Variants in ADAMTS2 observed in about 807,000 individuals in gnomAD.
ADAMTS2 encodes ADAM metallopeptidase with thrombospondin type 1 motif 2.
A neutral mutation model predicts 123.0 loss-of-function variants in ADAMTS2; 50 were observed. The ratio of observed to expected loss-of-function variants is 0.41; its 90% confidence interval spans 0.32 to 0.51. The LOEUF is 0.51. Ranked by LOEUF, ADAMTS2 falls within the 20% of genes least tolerant of loss-of-function variation. ADAMTS2 has a pLI of 0.35. For missense variants in ADAMTS2, 1,494 were observed against 1,705.2 expected, an observed-to-expected ratio of 0.88 and a Z score of 2.18; for synonymous variants, 678 against 695.4, an observed-to-expected ratio of 0.98 and a Z score of 0.39.
intron 5 of ADAMTS2, among the ~76,000 whole-genome samples, chr5:179,176,438 C>CTAG (rs1763932499): frequency 1.3e-5 from 2 of 152,198 alleles, no homozygotes; most frequent in Admixed American, 6.5e-5. Flanking sequence ...CCAGGTACCT[C>CTAG]TAACTGCACA....
intron 10 of ADAMTS2, among the ~76,000 whole-genome samples, chr5:179,148,519 T>C (rs1027190269): frequency 6.6e-6 from 1 of 152,178 alleles, no homozygotes; most frequent in African/African-American, 2.4e-5. Flanking sequence ...GTCGCATCCC[T>C]GTGCAGTGCC....
intron 3 of ADAMTS2, among the ~76,000 whole-genome samples, chr5:179,220,133 G>T (rs531921929): frequency 6.6e-6 from 1 of 152,276 alleles, no homozygotes; most frequent in Admixed American, 6.5e-5. Flanking sequence ...CGCAGCACGC[G>T]GCAGCCAAGT....
At position 179,139,896 on chromosome 5, in the gene ADAMTS2, T is replaced by G. The variant is rs145336133; in HGVS notation, c.1769A>C (p.Asn590Thr). 44 of 1,612,282 alleles carry G rather than the reference T, an allele frequency of 2.7e-5. No homozygotes were observed. In the African/African-American group the frequency reaches 5.5e-4, roughly 20 times the overall value. ...GVKFRTRQCD[N>T]PHPANGGRTC... ...GGACATGGGGCCAACTCACTGTGGG[T>G]TGTCACACTGGCGGGTCCTGAACTT... Residue 590 changes from asparagine to threonine, a missense_variant, in exon 11 of 22, where the codon AAC becomes ACC. Asn to Thr is a moderately conservative substitution (Grantham distance 65, BLOSUM62 0). Coordinates refer to ENST00000251582, the MANE Select transcript of ADAMTS2 (RefSeq NM_014244.5).
At chr5:179,137,279 C>T (rs1006927264) in intron 12 of ADAMTS2, among the ~76,000 whole-genome samples, 1 of 152,234 alleles carries the variant, frequency 6.6e-6, no homozygotes, top group African/African-American at 2.4e-5. Context: ...CAAGCACTGC[C>T]ATGCCCAAGG....
rs1304353865 is a variant in ADAMTS2 at position 179,345,354 on chromosome 5, C to A, written c.-26G>T. The A allele has an allele frequency of 5.3e-6, 6 of 1,130,580 alleles. No individual in the cohort carries two copies. Among genetic ancestry groups the A allele is most frequent in the African/African-American group, 1.7e-5 (1 of 60,592 alleles). The allele number at this position is 1,130,580 out of a possible 1,614,324, so 70.0% of individuals were successfully genotyped here. Reference sequence around the variant, plus strand: ...GGCAGCCGGACTGCAGCCGGGGCCCCGCACTCGCAGCCGGCGCGAAAGTTC... The same window carrying A: ...GGCAGCCGGACTGCAGCCGGGGCCCAGCACTCGCAGCCGGCGCGAAAGTTC... On this transcript the variant is annotated 5_prime_UTR_variant, in exon 1 of 22. Coordinates refer to ENST00000251582, the MANE Select transcript of ADAMTS2 (RefSeq NM_014244.5). The surrounding 1 kb of genome is among the most constrained non-coding windows in gnomAD (Gnocchi z 7.5).
chr5:179,303,714 AG>A lies in ADAMTS2; in HGVS notation c.535-30651del, dbSNP rs1424807265. 4.6e-5 allele frequency among the ~76,000 whole-genome samples: 7 copies of A among 152,300 alleles called. No individual in the cohort carries two copies. In the East Asian group the frequency reaches 1.4e-3, roughly 29 times the overall value. On this transcript the variant is annotated intron_variant, in intron 2 of 21. Coordinates refer to ENST00000251582, the MANE Select transcript of ADAMTS2 (RefSeq NM_014244.5). The surrounding 1 kb of genome is among the most constrained non-coding windows in gnomAD (Gnocchi z 4.7). ...CAGCCCACAGGCACCTAAAACTCTA[AG>A]AGGGGAGCCTGGCTGTGTAGCTGGA...
chr5:179,322,171 A>T (rs1217521557), intron 2 of ADAMTS2, among the ~76,000 whole-genome samples: 1 of 152,346 alleles, frequency 6.6e-6, no homozygotes, highest in East Asian at 1.9e-4. Context: ...ATGAAGGCAC[A>T]TACGACAGTT....
chr5:179,153,309 G>A (rs1396520979), intron 9 of ADAMTS2, among the ~76,000 whole-genome samples, 182 bp downstream of exon 9: 1 of 152,154 alleles, frequency 6.6e-6, no homozygotes, highest in African/African-American at 2.4e-5. Context: ...GGCCTGCCAG[G>A]TGGGCTCAGG....
chr5:179,223,070 C>T (rs1370829662), intron 3 of ADAMTS2, among the ~76,000 whole-genome samples: 2 of 152,248 alleles, frequency 1.3e-5, no homozygotes, highest in Non-Finnish European at 1.5e-5. Context: ...GCTCCCAAAA[C>T]CTTCATTTTC....
At chr5:179,179,965 G>A (rs1228236288) in intron 5 of ADAMTS2, among the ~76,000 whole-genome samples, 1 of 152,094 alleles carries the variant, frequency 6.6e-6, no homozygotes, top group African/African-American at 2.4e-5. Flanking sequence ...CCACAGGCTC[G>A]AATTCTGCTG....
At chr5:179,171,527 C>T (rs1763814100) in intron 5 of ADAMTS2, among the ~76,000 whole-genome samples, 1 of 152,202 alleles carries the variant, frequency 6.6e-6, no homozygotes, top group African/African-American at 2.4e-5. Context: ...CAGAACCCCC[C>T]AGAGAAGGGC....
In ADAMTS2 at chr5:179,130,216, G is replaced by GC. The variant is rs1648123326; in HGVS notation, c.2291-119dup. 1 of 1,311,766 alleles carries GC rather than the reference G, an allele frequency of 7.6e-7. No individual in the cohort carries two copies. Among genetic ancestry groups the GC allele is most frequent in the South Asian group, 1.2e-5 (1 of 80,332 alleles). 81.3% of individuals were successfully genotyped at this position (1,311,766 alleles called of 1,614,324 possible). ...AGCTGGACCCCTTGTCTCTCTGGCTGCCCCCGGCCAGTTTCCTCTGTGCCA... is the reference window on the plus strand; with the variant it reads ...AGCTGGACCCCTTGTCTCTCTGGCTGCCCCCCGGCCAGTTTCCTCTGTGCCA... On this transcript the variant is annotated intron_variant, in intron 15 of 21. Coordinates refer to ENST00000251582, the MANE Select transcript of ADAMTS2 (RefSeq NM_014244.5). This position sits in a 1 kb window ranked among gnomAD's most constrained non-coding sequence, Gnocchi z 4.3.
chr5:179,139,183 GC>G (rs1238052944), intron 11 of ADAMTS2, among the ~76,000 whole-genome samples: 8 of 152,022 alleles, frequency 5.3e-5, no homozygotes, highest in Non-Finnish European at 5.9e-5. Flanking sequence ...CTCCATGCCA[GC>G]CCCCCCGGGA....
intron 10 of ADAMTS2, among the ~76,000 whole-genome samples, chr5:179,147,304 G>A (rs996966772): frequency 1.8e-4 from 27 of 152,158 alleles, no homozygotes; most frequent in Non-Finnish European, 1.5e-4. Flanking sequence ...GGCCAGGCTG[G>A]TCTCGAACTC....
At chr5:179,232,052 A>T (rs1765423024) in intron 3 of ADAMTS2, among the ~76,000 whole-genome samples, 1 of 152,226 alleles carries the variant, frequency 6.6e-6, no homozygotes, top group African/African-American at 2.4e-5. Context: ...TCTGTCTTTT[A>T]AAAAGTGTCA....
In ADAMTS2 at chr5:179,272,853, TG is replaced by T; in HGVS notation, c.688+57del. 1 of 1,583,192 alleles carries T rather than the reference TG, an allele frequency of 6.3e-7. No homozygotes were observed. On this transcript the variant is annotated intron_variant, in intron 3 of 21. Coordinates refer to ENST00000251582, the MANE Select transcript of ADAMTS2 (RefSeq NM_014244.5). The surrounding 1 kb of genome is among the most constrained non-coding windows in gnomAD (Gnocchi z 5.8). Reference sequence around the variant, plus strand: ...TGCCTGAGTCTCTGGGATGCTCCCCTGGGGACCAGGGCCTCAGAGGGCTCTC... The same window carrying T: ...TGCCTGAGTCTCTGGGATGCTCCCCTGGGACCAGGGCCTCAGAGGGCTCTC...
chr5:179,121,798 C>T, intron 20 of ADAMTS2, 48 bp from the exon 21 acceptor site: 2 of 1,360,170 alleles, frequency 1.5e-6, no homozygotes, highest in Non-Finnish European at 2.0e-6. Context: ...CAGGCTGGGG[C>T]CCCCACCCCA....
intron 3 of ADAMTS2, among the ~76,000 whole-genome samples, chr5:179,217,310 A>G (rs1011487637): frequency 6.6e-6 from 1 of 152,272 alleles, no homozygotes; most frequent in Non-Finnish European, 1.5e-5. Flanking sequence ...ATGGATACAC[A>G]GACGCAAGAC....
chr5:179,136,163 C>T, intron 12 of ADAMTS2, 121 bp from the exon 13 acceptor site: 1 of 1,443,542 alleles, frequency 6.9e-7, no homozygotes, highest in East Asian at 2.3e-5. Context: ...CCCTCCAGGG[C>T]AGACAGAGAG....
Sources: gnomAD v4.1 joint callset for allele counts (sites outside exome capture counted in the v4.1 genomes callset) on GRCh38, gnomAD v4.1.1 for gene constraint, Gnocchi (gnomAD v3.1) non-coding constraint, MANE v1.5 for transcripts, NCBI Gene and HGNC (gene_info 2026-07-23, HGNC 2026-07-21) for gene names.